Variants in PPP6R2 observed in about 807,000 individuals in gnomAD.
PPP6R2 encodes the protein serine/threonine-protein phosphatase 6 regulatory subunit 2.
Under a neutral mutation model 100.2 loss-of-function variants are expected in PPP6R2, and 62 were observed. That is an observed-to-expected ratio of 0.62 (90% CI 0.50 to 0.76). The LOEUF is 0.76. PPP6R2 is among the 30% of genes least tolerant of loss of function. The pLI is 0.00. For synonymous variants in PPP6R2, 525 were observed against 514.7 expected (o/e 1.02, Z -0.27); for missense variants, 1,142 against 1,276.3 (o/e 0.89, Z 1.60).
chr22:50,335,734 G>A, the PPP6R2 span, among the ~76,000 whole-genome samples: 359 of 139,560 alleles, frequency 2.6e-3, 52 homozygotes, highest in African/African-American at 9.7e-3. Context: ...TGAGAGCAGT[G>A]GCGCAATCTT....
chr22:50,364,442 G>C (rs2048355877), intron 1 of PPP6R2, among the ~76,000 whole-genome samples: 1 of 152,154 alleles, frequency 6.6e-6, no homozygotes, highest in Admixed American at 6.6e-5. Flanking sequence ...ATTTGTTTAA[G>C]AAGGAGGCAC....
rs549478879 is a variant in PPP6R2, at chr22:50,376,607, A to G, written c.-17+4457A>G. Among the ~76,000 whole-genome samples, 5 of 151,980 alleles carry G rather than the reference A, an allele frequency of 3.3e-5. No homozygotes were observed. In the East Asian group the frequency reaches 9.7e-4, roughly 29 times the overall value. On this transcript the variant is annotated intron_variant, in intron 2 of 23. Coordinates refer to ENST00000612753, the MANE Select transcript of PPP6R2 (RefSeq NM_001242898.2). ...CTGGCTAATTCTTTGTATTTTTTGT[A>G]AAAACAGGTTTTTGCCGTGTTGCCC...
chr22:50,419,789 G>GT (rs1382811893), intron 8 of PPP6R2, among the ~76,000 whole-genome samples: 3 of 152,188 alleles, frequency 2.0e-5, no homozygotes, highest in African/African-American at 7.2e-5. Flanking sequence ...GCTCCCGTGT[G>GT]TGTTTGTGTG....
intron 4 of PPP6R2, among the ~76,000 whole-genome samples, chr22:50,411,701 C>T (rs541698192): frequency 3.7e-4 from 56 of 152,030 alleles, no homozygotes; most frequent in African/African-American, 1.3e-3. Flanking sequence ...TGCAGTGAGC[C>T]GAGATTGTGA....
rs369802890 is a variant in PPP6R2 at position 50,437,124 on chromosome 22, G to A, written c.1683+56G>A. 5.7e-4 allele frequency: 837 copies of A among 1,460,256 alleles called. 12 individuals carry two copies. The South Asian group carries it at 8.4e-3, about 15-fold the overall frequency. 90.5% of individuals were successfully genotyped at this position (1,460,256 alleles called of 1,614,324 possible). On this transcript the variant is annotated intron_variant, in intron 15 of 23. Transcript: ENST00000612753. ...CGGGCCCTTCCCGGCACCTGTGTGCGCTGCGCTTGGTCCTCCAGACGAGTC... is the reference window on the plus strand; with the variant it reads ...CGGGCCCTTCCCGGCACCTGTGTGCACTGCGCTTGGTCCTCCAGACGAGTC...
intron 17 of PPP6R2, 132 bp from the exon 18 acceptor site, chr22:50,438,041 GC>G: frequency 2.0e-6 from 3 of 1,487,618 alleles, no homozygotes; most frequent in Non-Finnish European, 2.7e-6. Context: ...CGCTTTCCTT[GC>G]CCCTCCCCGT....
Position 50,439,776 on chromosome 22 carries a change from G to A in PPP6R2, c.2204G>A (p.Gly735Asp), listed in dbSNP as rs1463629853. ...PTAPGVVRDV[G>D]SSVWAAGTSA... is the part of the protein sequence containing the mutation. ...GCCCCAGGAGTGGTGAGGGACGTGG[G>A]TTCCAGTGTGTGGGCAGCTGGCACC... is the stretch of plus-strand genomic sequence containing the variant. Residue 735 changes from glycine to aspartate, a missense_variant, in exon 20 of 24, where the codon GGT (glycine) becomes GAT (aspartate). Gly to Asp is a moderately conservative substitution (Grantham distance 94, BLOSUM62 -1). Around this residue, in one of 2 missense-constraint regions of PPP6R2, gnomAD observed 550 missense variants for 517.4 expected, o/e 1.06. Coordinates refer to ENST00000612753, the MANE Select transcript of PPP6R2 (RefSeq NM_001242898.2). 1 of 1,613,830 alleles carries A rather than the reference G, an allele frequency of 6.2e-7. No homozygotes were observed. The highest frequency in any genetic ancestry group is 1.7e-5 in the Admixed American group (1 of 60,008).
the PPP6R2 span, among the ~76,000 whole-genome samples, chr22:50,338,209 G>T: frequency 7.3e-6 from 1 of 136,138 alleles, no homozygotes; most frequent in East Asian, 2.2e-4. Context: ...GTGTGTCGGG[G>T]GTGTGTGTGG....
intron 13 of PPP6R2, 41 bp from the exon 14 acceptor site, chr22:50,436,326 C>T (rs1262868635): frequency 4.6e-6 from 7 of 1,537,970 alleles, no homozygotes; most frequent in South Asian, 3.6e-5. Context: ...ACCATCTGCA[C>T]GGGGTCTCCC....
intron 4 of PPP6R2, among the ~76,000 whole-genome samples, chr22:50,413,721 A>G (rs528400784): frequency 1.9e-4 from 24 of 127,154 alleles, no homozygotes; most frequent in Non-Finnish European, 3.3e-4. Context: ...TCCTTTTCCT[A>G]CTGTCCCTCC....
rs538504852 is a variant in PPP6R2 at position 50,390,947 on chromosome 22, C to T, written c.-16-2946C>T. 9.1e-4 allele frequency among the ~76,000 whole-genome samples: 136 copies of T among 149,384 alleles called. 1 individual carries two copies. The Middle Eastern group carries it at 0.011, about 12-fold the overall frequency. ...CCAGGAGGCGGAGATTGCAGTGAGC[C>T]GAGGTCGTGCCACTGCACTCCAGCC... On this transcript the variant is annotated intron_variant, in intron 2 of 23. Transcript: ENST00000612753.
intron 5 of PPP6R2, among the ~76,000 whole-genome samples, 191 bp downstream of exon 5, chr22:50,414,880 C>T (rs2060308064): frequency 6.6e-6 from 1 of 152,268 alleles, no homozygotes; most frequent in Admixed American, 6.5e-5. Context: ...CCCGACTTAA[C>T]TCGCTCAGAA....
intron 14 of PPP6R2, 81 bp from the exon 15 acceptor site, chr22:50,436,907 C>A (rs2064420160): frequency 6.9e-6 from 8 of 1,157,144 alleles, no homozygotes; most frequent in African/African-American, 1.5e-5. Flanking sequence ...CTGGGCTGGG[C>A]ATGGTCCTGG....
At chr22:50,414,226 C>G (rs754371690) in intron 4 of PPP6R2, among the ~76,000 whole-genome samples, 1 of 151,324 alleles carries the variant, frequency 6.6e-6, no homozygotes, top group Non-Finnish European at 1.5e-5. Context: ...TGGAAAAACC[C>G]GAACCAGTAG....
At chr22:50,363,782 A>G (rs556076014) in intron 1 of PPP6R2, among the ~76,000 whole-genome samples, 43 of 152,268 alleles carry the variant, frequency 2.8e-4, no homozygotes, top group Non-Finnish European at 5.6e-4. Context: ...TTCCTCATCA[A>G]TTTGGTTCCA....
intron 1 of PPP6R2, among the ~76,000 whole-genome samples, chr22:50,368,626 C>A (rs1412642209): frequency 6.6e-6 from 1 of 152,114 alleles, no homozygotes; most frequent in African/African-American, 2.4e-5. Flanking sequence ...TATACTGGAA[C>A]AGCTCGTGCC....
intron 3 of PPP6R2, among the ~76,000 whole-genome samples, chr22:50,396,615 CAT>C (rs2056951415): frequency 6.6e-6 from 1 of 152,216 alleles, no homozygotes; most frequent in Non-Finnish European, 1.5e-5. Context: ...ATCCACGTCT[CAT>C]AGCGTTGAGC....
At chr22:50,376,120 A>G (rs2051496962) in intron 2 of PPP6R2, among the ~76,000 whole-genome samples, 1 of 152,030 alleles carries the variant, frequency 6.6e-6, no homozygotes, top group African/African-American at 2.4e-5. Flanking sequence ...GTACACAGAC[A>G]AAAATGACTA....
chr22:50,353,321 A>G (rs1358031752), intron 1 of PPP6R2, among the ~76,000 whole-genome samples: 1 of 152,126 alleles, frequency 6.6e-6, no homozygotes, highest in Non-Finnish European at 1.5e-5. Context: ...TAATTGACCT[A>G]ACGTTATTAC....
Sources: gnomAD v4.1 joint callset for allele counts (sites outside exome capture counted in the v4.1 genomes callset) on GRCh38, gnomAD v4.1.1 for gene constraint, gnomAD v4.1.1 regional missense constraint, MANE v1.5 for transcripts, NCBI Gene and HGNC (gene_info 2026-07-23, HGNC 2026-07-21) for gene names.